Variants in NEB observed in about 807,000 individuals in gnomAD.
NEB encodes the protein nemaline myopathy type 2.
A neutral mutation model predicts 952.2 loss-of-function variants in NEB; 512 were observed. The observed-to-expected ratio is 0.54, with a 90% CI of 0.50 to 0.58. NEB has a LOEUF of 0.58. Ranked by LOEUF, NEB falls within the 20% of genes least tolerant of loss-of-function variation. The pLI is 0.00. For synonymous variants in NEB, 2,900 were observed against 3,149.8 expected, an observed-to-expected ratio of 0.92 and a Z score of 2.66; for missense variants, 8,428 against 9,231.1, an observed-to-expected ratio of 0.91 and a Z score of 3.56.
Position 151,656,157 on chromosome 2 carries a change from C to T in NEB, c.6491G>A (p.Ser2164Asn), listed in dbSNP as rs780626863. 209 of 1,587,152 alleles carry T rather than the reference C, an allele frequency of 1.3e-4. No homozygotes were observed. The highest frequency in any genetic ancestry group is 1.6e-4 in the Non-Finnish European group (191 of 1,165,534). ...CCAAGTAGAAGAAAGCCTTACATCA[C>T]TCTGTATGCGATTCATATTCCTGGT... ...ELTRNMNRIQ[S>N]DNEYKQDYNE... Residue 2164 changes from serine (S) to asparagine (N), a missense_variant, in exon 49 of 182, where the codon AGT becomes AAT. Ser to Asn is a conservative substitution (Grantham distance 46, BLOSUM62 1). Around this residue, in one of 11 missense-constraint regions of NEB, gnomAD observed 2,851 missense variants for 2,791.5 expected, o/e 1.02. Coordinates refer to ENST00000397345, the MANE Select transcript of NEB (RefSeq NM_001164508.2).
intron 133 of NEB, among the ~76,000 whole-genome samples, chr2:151,546,963 T>G (rs1249823747): frequency 2.0e-5 from 3 of 152,188 alleles, no homozygotes; most frequent in Non-Finnish European, 2.9e-5. Context: ...TGCTATTATT[T>G]TATTACTATA....
chr2:151,659,956 G>C (rs1575422002), intron 46 of NEB, among the ~76,000 whole-genome samples: 1 of 152,036 alleles, frequency 6.6e-6, no homozygotes, highest in East Asian at 1.9e-4. Context: ...GCCTTTTTCT[G>C]CTACAAGCAA....
intron 109 of NEB, 46 bp from the exon 110 acceptor site, chr2:151,569,418 G>A (rs2096549028): frequency 1.4e-6 from 2 of 1,410,216 alleles, no homozygotes; most frequent in African/African-American, 1.4e-5. Context: ...TGGTCATGTG[G>A]TCCTAGTTAG....
chr2:151,619,840 T>TA (rs1349857747), intron 72 of NEB, 78 bp from the exon 73 acceptor site: 26 of 1,443,558 alleles, frequency 1.8e-5, no homozygotes, highest in Non-Finnish European at 2.4e-5. Flanking sequence ...TGGTGCTTTC[T>TA]ATGAAATCTT....
At chr2:151,688,599 A>G (rs544492715) in intron 24 of NEB, among the ~76,000 whole-genome samples, 42 of 152,292 alleles carry the variant, frequency 2.8e-4, no homozygotes, top group African/African-American at 9.6e-4. Flanking sequence ...CTTGGGGGAT[A>G]CTTTTCAAGA....
chr2:151,659,169 G>A lies in NEB; in HGVS notation c.5971C>T (p.His1991Tyr), dbSNP rs75807392. 0.066 allele frequency: 105,245 copies of A among 1,598,366 alleles called. 5,482 individuals carry two copies. Among genetic ancestry groups the A allele is most frequent in the East Asian group, 0.31 (13,647 of 44,712 alleles). Residue 1991 changes from histidine to tyrosine, a missense_variant and splice_region_variant, in exon 47 of 182, where the codon CAT becomes TAT. Transcript: ENST00000397345. Reference protein sequence around the residue: ...AQNNAKIMNEHLYKQAWEADK... With the variant: ...AQNNAKIMNEYLYKQAWEADK... ...GCCTCCCATGCTTGTTTGTAGAGAT[G>A]CTAGGAAAAAAACAGTGTAAATTAG... is the stretch of plus-strand genomic sequence containing the variant.
rs776059611 is a variant in NEB at position 151,493,381 on chromosome 2, GCT to G, written c.24735_24736del (p.Arg8245SerfsTer2). 8 of 1,611,524 alleles carry G rather than the reference GCT, an allele frequency of 5.0e-6. No homozygotes were observed. The African/African-American group carries it at 1.1e-4, about 22-fold the overall frequency. ...GCTAATGTTTTCTTGGTTGCGCTTAGCTCTCTCCATCTCTGGAGTAACAGGTG... is the reference window on the plus strand; with the variant it reads ...GCTAATGTTTTCTTGGTTGCGCTTAGCTCTCCATCTCTGGAGTAACAGGTG... On this transcript the variant is annotated frameshift_variant, in exon 176 of 182. Coordinates refer to ENST00000397345, the MANE Select transcript of NEB (RefSeq NM_001164508.2). LOFTEE classifies it high-confidence loss of function.
At position 151,655,335 on chromosome 2, in the gene NEB, T is replaced by C. The variant is rs757306687; in HGVS notation, c.6742A>G (p.Ile2248Val). ...TCTGGTGTATCAGGCATCACATGAA[T>C]CTTGGTCTTATCTTTATTCCAATCA... is the stretch of plus-strand genomic sequence containing the variant. ...TIDWNKDKTK[I>V]HVMPDTPDIL... Residue 2248 changes from isoleucine to valine, a missense_variant, in exon 51 of 182, where the codon ATT becomes GTT. Ile to Val is a conservative substitution (Grantham distance 29, BLOSUM62 3). Transcript: ENST00000397345. The C allele has an allele frequency of 1.2e-6, 2 of 1,602,088 alleles. No homozygotes were observed. Among genetic ancestry groups the C allele is most frequent in the Non-Finnish European group, 1.7e-6 (2 of 1,171,834 alleles).
intron 27 of NEB, among the ~76,000 whole-genome samples, chr2:151,686,086 C>T (rs183886335): frequency 6.6e-6 from 1 of 152,244 alleles, no homozygotes; most frequent in East Asian, 1.9e-4. Flanking sequence ...AACAGTTTGT[C>T]TTCGTTAGAA....
chr2:151,701,571 A>G (rs1451699165), intron 13 of NEB, among the ~76,000 whole-genome samples: 1 of 151,342 alleles, frequency 6.6e-6, no homozygotes, highest in Non-Finnish European at 1.5e-5. Flanking sequence ...CAGAGATTCA[A>G]CTTCTTCCTG....
rs182494104 is a variant in NEB, at chr2:151,697,300, C to T, written c.1366-48G>A. 187 of 1,608,708 alleles carry T rather than the reference C, an allele frequency of 1.2e-4. No individual in the cohort carries two copies. In the African/African-American group the frequency reaches 2.2e-3, roughly 19 times the overall value. On this transcript the variant is annotated intron_variant, in intron 15 of 181. Coordinates refer to ENST00000397345, the MANE Select transcript of NEB (RefSeq NM_001164508.2). ...ATAAGATGCAGCCATTGTATTCATG[C>T]CCTGAGAAAAATGTTATTTGGAAAG...
rs371431256 is a variant in NEB, at chr2:151,524,362, G to A, written c.22428C>T (p.Leu7476=). The change falls in exon 153 of 182, where the codon CTC becomes CTT. Residue 7476 remains leucine, a synonymous_variant. Transcript: ENST00000397345. ...RKEGSHGLSM[L]GRPDIEMAKK... ...TGGCCATTTCTATGTCTGGGCGACC[G>A]AGCATGCTTAAGCCATGGCTGCCTT... is the stretch of plus-strand genomic sequence containing the variant. 89 of 1,613,772 alleles carry A rather than the reference G, an allele frequency of 5.5e-5. No individual in the cohort carries two copies. The highest frequency in any genetic ancestry group is 1.6e-4 in the East Asian group (7 of 44,892).
At chr2:151,614,658 A>G (rs1350060557) in intron 76 of NEB, 71 bp from the exon 77 acceptor site, 1 of 1,463,352 alleles carries the variant, frequency 6.8e-7, no homozygotes, top group Non-Finnish European at 9.3e-7. Context: ...GTTCACATTC[A>G]CATTGTTTCT....
intron 126 of NEB, 101 bp downstream of exon 126, chr2:151,553,727 G>T: frequency 1.7e-6 from 2 of 1,192,860 alleles, no homozygotes; most frequent in Non-Finnish European, 1.2e-6. Flanking sequence ...GGAAGAGATA[G>T]TGGAAAAAGG....
intron 166 of NEB, 49 bp from the exon 167 acceptor site, chr2:151,502,934 G>GTTA (rs1559298027): frequency 1.7e-6 from 2 of 1,150,036 alleles, no homozygotes; most frequent in Non-Finnish European, 2.5e-6. Context: ...CAGGCACAGA[G>GTTA]AGTAAGGAAG....
Position 151,678,188 on chromosome 2 carries a change from C to T in NEB, c.3256-1G>A. 6.4e-7 allele frequency: 1 copy of T among 1,566,256 alleles called. No homozygotes were observed. The highest frequency in any genetic ancestry group is 8.7e-7 in the Non-Finnish European group (1 of 1,153,264). On this transcript the variant is annotated splice_acceptor_variant, in intron 32 of 181. Coordinates refer to ENST00000397345, the MANE Select transcript of NEB (RefSeq NM_001164508.2). LOFTEE classifies it high-confidence loss of function. ...TTTCATAGTCTTTTTTGTACTGAAC[C>T]TATTGTAAACAAAGGTGGGCATAAT...
At chr2:151,712,964 G>A (rs2099749329) in intron 10 of NEB, among the ~76,000 whole-genome samples, 1 of 152,040 alleles carries the variant, frequency 6.6e-6, no homozygotes, top group Non-Finnish European at 1.5e-5. Flanking sequence ...AAACTTGGAA[G>A]AAAGAGTCAG....
Position 151,627,404 on chromosome 2 carries a change from A to G in NEB, c.10143+119T>C, listed in dbSNP as rs896342539. On this transcript the variant is annotated intron_variant, in intron 69 of 181. Coordinates refer to ENST00000397345, the MANE Select transcript of NEB (RefSeq NM_001164508.2). ...AGTAAGGGGAAGAGTTGCCTAAAAAATGAGCAGAGAGAAGAAATGTCATCC... is the reference window on the plus strand; with the variant it reads ...AGTAAGGGGAAGAGTTGCCTAAAAAGTGAGCAGAGAGAAGAAATGTCATCC... The G allele has an allele frequency of 2.7e-6, 4 of 1,473,178 alleles. No individual in the cohort carries two copies. The Admixed American group carries it at 8.6e-5, about 32-fold the overall frequency. The allele number at this position is 1,473,178 out of a possible 1,614,324, so 91.3% of individuals were successfully genotyped here.
At chr2:151,708,649 A>G (rs922628582) in intron 12 of NEB, among the ~76,000 whole-genome samples, 1 of 152,142 alleles carries the variant, frequency 6.6e-6, no homozygotes, top group Non-Finnish European at 1.5e-5. Flanking sequence ...ACAACTTTCC[A>G]TATATCTCCC....
Sources: allele counts gnomAD v4.1 joint callset (sites outside exome capture counted in the v4.1 genomes callset), GRCh38; gene constraint gnomAD v4.1.1; regional missense constraint gnomAD v4.1.1; transcripts MANE v1.5; gene names NCBI Gene and HGNC (gene_info 2026-07-23, HGNC 2026-07-21).